The following WDPCP variants were observed in gnomAD, a reference collection of about 807,000 sequenced individuals.
WDPCP encodes WD repeat-containing and planar cell polarity effector protein fritz homolog.
In WDPCP, 71 loss-of-function variants were observed where a neutral mutation model predicts 93.1. The ratio of observed to expected loss-of-function variants is 0.76; its 90% CI spans 0.63 to 0.93. The LOEUF (loss-of-function observed/expected upper bound fraction) is 0.93, where lower values mean the gene tolerates loss of function less well. WDPCP is among the 40% of genes least tolerant of loss of function. WDPCP has a pLI of 0.00. For synonymous variants in WDPCP, 315 were observed against 315.0 expected, an observed-to-expected ratio of 1.00 and a Z score of 0.00; for missense variants, 844 against 887.4, an observed-to-expected ratio of 0.95 and a Z score of 0.62.
chr2:63,331,687 C>T (rs1222875320), intron 12 of WDPCP, among the ~76,000 whole-genome samples: 1 of 152,144 alleles, frequency 6.6e-6, no homozygotes, highest in African/African-American at 2.4e-5. Context: ...AGTCCACCCA[C>T]CTTCAGGCTT....
chr2:63,622,150 G>T, intron 3 of WDPCP: 2 of 1,567,334 alleles, frequency 1.3e-6, no homozygotes, highest in Non-Finnish European at 1.7e-6. Flanking sequence ...TAGCTGTCTG[G>T]GTTGCTGTGG....
intron 10 of WDPCP, among the ~76,000 whole-genome samples, chr2:63,390,381 T>C (rs968552527): frequency 6.6e-6 from 1 of 152,086 alleles, no homozygotes. Context: ...TACCAAAATC[T>C]CTGGGACACA....
At chr2:63,342,407 T>C (rs1408022097) in intron 12 of WDPCP, among the ~76,000 whole-genome samples, 1 of 152,234 alleles carries the variant, frequency 6.6e-6, no homozygotes, top group African/African-American at 2.4e-5. Context: ...ACATCTACCA[T>C]TCGCTATGTC....
chr2:63,567,359 T>C (rs1158240904), intron 1 of WDPCP, among the ~76,000 whole-genome samples: 1 of 152,192 alleles, frequency 6.6e-6, no homozygotes, highest in Non-Finnish European at 1.5e-5. Flanking sequence ...TCTTATCAAC[T>C]GCAGAGATTG....
chr2:63,440,137 T>C (rs1697409255), intron 6 of WDPCP: 1 of 382,384 alleles, frequency 2.6e-6, no homozygotes. Flanking sequence ...AGAAATCTAA[T>C]CTTCTAAATA....
chr2:63,734,487 C>CA (rs1463789538), intron 2 of WDPCP, among the ~76,000 whole-genome samples: 1 of 151,854 alleles, frequency 6.6e-6, no homozygotes, highest in Non-Finnish European at 1.5e-5. Context: ...TGCTCTTTGC[C>CA]AAAAAAATAA....
intron 7 of WDPCP, 185 bp from the exon 8 acceptor site, chr2:63,437,739 T>C: frequency 1.8e-6 from 2 of 1,109,068 alleles, no homozygotes; most frequent in South Asian, 3.6e-5. Flanking sequence ...ATTGTCAATC[T>C]AATCATATGT....
At chr2:63,211,022 T>G (rs1676742904) in intron 14 of WDPCP, among the ~76,000 whole-genome samples, 1 of 152,216 alleles carries the variant, frequency 6.6e-6, no homozygotes, top group South Asian at 2.1e-4. Context: ...AGACTCTGCT[T>G]CTGGGGGGCA....
intron 13 of WDPCP, among the ~76,000 whole-genome samples, chr2:63,296,088 T>A (rs529947276): frequency 4.2e-4 from 64 of 151,624 alleles, no homozygotes; most frequent in Non-Finnish European, 7.4e-4. Context: ...AAAAGGTAAC[T>A]CACGATTAAG....
chr2:63,280,483 G>A, intron 13 of WDPCP, among the ~76,000 whole-genome samples: 1 of 152,014 alleles, frequency 6.6e-6, no homozygotes, highest in African/African-American at 2.4e-5. Flanking sequence ...AGATTTGGGT[G>A]GGGACACAGC....
At chr2:63,526,437 G>T (rs935559156) in intron 1 of WDPCP, among the ~76,000 whole-genome samples, 1 of 152,138 alleles carries the variant, frequency 6.6e-6, no homozygotes, top group Non-Finnish European at 1.5e-5. Context: ...AAAGGGAAAA[G>T]GCCTAAAATA....
chr2:63,151,559 T>TA (rs925013266), intron 17 of WDPCP, among the ~76,000 whole-genome samples: 6 of 152,174 alleles, frequency 3.9e-5, no homozygotes, highest in African/African-American at 1.4e-4. Context: ...ACAAGTATTC[T>TA]AAAAAAATAA....
At position 63,564,780 on chromosome 2, in the gene WDPCP, T is replaced by C. The variant is rs1450567107; in HGVS notation, c.75+23417A>G. Among the ~76,000 whole-genome samples, 13 of 29,408 alleles carry C rather than the reference T, an allele frequency of 4.4e-4. No individual in the cohort carries two copies. In the African/African-American group the frequency reaches 4.8e-3, roughly 11 times the overall value. The allele number at this position is 29,408 out of a possible 152,430, so 19.3% of individuals were successfully genotyped here. A position where few individuals can be genotyped will look rare whatever the true frequency, so the allele number is the denominator to read the frequency against. Reference sequence around the variant, plus strand: ...GTTACTAAAGCTTAAAACTGCACCTTTTTTTTTTTTTTTTTGAGACAGAGT... The same window carrying C: ...GTTACTAAAGCTTAAAACTGCACCTCTTTTTTTTTTTTTTTGAGACAGAGT... On this transcript the variant is annotated intron_variant, in intron 1 of 17. Transcript: ENST00000272321.
intron 2 of WDPCP, among the ~76,000 whole-genome samples, chr2:63,746,664 C>T (rs1055609307): frequency 3.3e-5 from 5 of 152,108 alleles, no homozygotes; most frequent in South Asian, 2.1e-4. Flanking sequence ...GGATGAAACA[C>T]GCCCTAGTCT....
At chr2:63,830,547 A>C (rs144311214), upstream of WDPCP, among the ~76,000 whole-genome samples, 75 of 152,242 alleles carry the variant, frequency 4.9e-4, no homozygotes, top group South Asian at 1.4e-3. Context: ...TCTAATAATC[A>C]ATGGTGCTAA....
chr2:63,494,899 G>T (rs1248112292), intron 1 of WDPCP, among the ~76,000 whole-genome samples: 3 of 132,298 alleles, frequency 2.3e-5, no homozygotes, highest in African/African-American at 6.0e-5. Flanking sequence ...CAGCCTGGGC[G>T]ACAGAGCGAG....
intron 12 of WDPCP, among the ~76,000 whole-genome samples, chr2:63,344,561 A>G (rs909047050): frequency 6.6e-6 from 1 of 152,110 alleles, no homozygotes; most frequent in Non-Finnish European, 1.5e-5. Context: ...CATGGCTCCT[A>G]TTCACCCAAA....
intron 1 of WDPCP, among the ~76,000 whole-genome samples, chr2:63,525,855 G>T (rs1703301121): frequency 6.6e-6 from 1 of 152,156 alleles, no homozygotes; most frequent in Admixed American, 6.6e-5. Flanking sequence ...ATTTCCTCCT[G>T]GGCAAGGCTG....
intron 12 of WDPCP, among the ~76,000 whole-genome samples, chr2:63,357,877 C>T (rs1690139563): frequency 1.3e-5 from 2 of 152,134 alleles, no homozygotes; most frequent in Non-Finnish European, 2.9e-5. Flanking sequence ...CAGTTACAGA[C>T]TGGATAAAGA....
Sources: gnomAD v4.1 joint callset for allele counts (sites outside exome capture counted in the v4.1 genomes callset) on GRCh38, gnomAD v4.1.1 for gene constraint, MANE v1.5 for transcripts, NCBI Gene and HGNC (gene_info 2026-07-23, HGNC 2026-07-21) for gene names.